Variants in CLDN16 observed in about 807,000 individuals in gnomAD.
CLDN16 encodes claudin-16.
A neutral mutation model predicts 24.6 loss-of-function variants in CLDN16; 13 were observed. That is an observed-to-expected ratio of 0.53 (90% CI 0.34 to 0.84). CLDN16 has a LOEUF of 0.84. Among genes scored for constraint, CLDN16 ranks in the 40% least tolerant of loss-of-function variants. CLDN16 has a pLI of 0.01. For synonymous variants in CLDN16, 116 were observed against 106.7 expected, an observed-to-expected ratio of 1.09 and a Z score of -0.54; for missense variants, 298 against 292.7, an observed-to-expected ratio of 1.02 and a Z score of -0.13.
chr3:190,301,322 C>T, the CLDN16 span, among the ~76,000 whole-genome samples: 1 of 152,016 alleles, frequency 6.6e-6, no homozygotes, highest in South Asian at 2.1e-4. Context: ...TGGTGAATCC[C>T]AGTCTCTGCC....
In CLDN16 at chr3:190,408,172, G is replaced by A. The variant is rs192460744; in HGVS notation, c.383-142G>A. The A allele has an allele frequency of 6.8e-5, 55 of 808,390 alleles. 1 individual carries two copies. The highest frequency in any genetic ancestry group is 4.6e-4 in the Middle Eastern group (2 of 4,368). 50.1% of individuals were successfully genotyped at this position (808,390 alleles called of 1,614,324 possible). Reference sequence around the variant, plus strand: ...AAAGGAAGAGACAGAAGAAGTGTCCGAAGTTCGGGTTGCCCATGAATCCAT... The same window carrying A: ...AAAGGAAGAGACAGAAGAAGTGTCCAAAGTTCGGGTTGCCCATGAATCCAT... On this transcript the variant is annotated intron_variant, in intron 3 of 4. Coordinates refer to ENST00000264734, the MANE Select transcript of CLDN16 (RefSeq NM_006580.4).
chr3:190,343,560 CA>C (rs1272124518), intron 1 of CLDN16, among the ~76,000 whole-genome samples: 1 of 152,054 alleles, frequency 6.6e-6, no homozygotes, highest in Non-Finnish European at 1.5e-5. Flanking sequence ...CCTAGGTGTA[CA>C]TCAGTGGATG....
intron 1 of CLDN16, among the ~76,000 whole-genome samples, chr3:190,360,164 A>G (rs558570450): frequency 2.7e-4 from 41 of 152,170 alleles, no homozygotes; most frequent in African/African-American, 9.6e-4. Flanking sequence ...CCAAAGAAAT[A>G]CAACAAACAG....
chr3:190,381,730 C>T (rs888077021), intron 3 of CLDN16, among the ~76,000 whole-genome samples: 1 of 152,020 alleles, frequency 6.6e-6, no homozygotes, highest in Admixed American at 6.6e-5. Flanking sequence ...GAGTTAAGAA[C>T]ACACCAGTTA....
chr3:190,369,666 G>A (rs1396845133), intron 1 of CLDN16, among the ~76,000 whole-genome samples: 4 of 151,840 alleles, frequency 2.6e-5, no homozygotes, highest in African/African-American at 4.8e-5. Flanking sequence ...TATGAACATC[G>A]TTCTATGTCA....
rs141823638 is a variant in CLDN16, at chr3:190,409,990, C to G, written c.662C>G (p.Pro221Arg). 82 of 1,613,976 alleles carry G rather than the reference C, an allele frequency of 5.1e-5. No homozygotes were observed. The highest frequency in any genetic ancestry group is 6.5e-5 in the Non-Finnish European group (77 of 1,180,018). Residue 221 changes from proline to arginine, a missense_variant, in exon 5 of 5, where the codon CCT becomes CGT. Coordinates refer to ENST00000264734, the MANE Select transcript of CLDN16 (RefSeq NM_006580.4). The part of the protein sequence containing the change: ...GVSMAKSYSA[P>R]RTETAKMYAV... ...TCCATGGCCAAGTCATACTCAGCCC[C>G]TCGCACAGAGACGGCCAAAATGTAT...
intron 1 of CLDN16, among the ~76,000 whole-genome samples, chr3:190,365,730 T>C (rs568446846): frequency 6.6e-6 from 1 of 151,724 alleles, no homozygotes; most frequent in South Asian, 2.1e-4. Context: ...GGGTCCAGTA[T>C]ATACACAGTC....
intron 3 of CLDN16, among the ~76,000 whole-genome samples, chr3:190,376,769 A>G (rs978957378): frequency 5.9e-5 from 9 of 152,006 alleles, no homozygotes; most frequent in African/African-American, 2.2e-4. Context: ...ACAGAGAATT[A>G]CAGTTTGATA....
chr3:190,322,140 C>T (rs895016415), upstream of CLDN16: 2 of 1,614,220 alleles, frequency 1.2e-6, no homozygotes, highest in Non-Finnish European at 8.5e-7. Context: ...GCAGTGCTGA[C>T]GATGGCGCCG....
chr3:190,378,781 G>A (rs150852380), intron 3 of CLDN16, among the ~76,000 whole-genome samples: 51 of 152,040 alleles, frequency 3.4e-4, no homozygotes, highest in African/African-American at 7.9e-4. Context: ...TCCACTGGAC[G>A]TTTGCCTGTG....
intron 1 of CLDN16, among the ~76,000 whole-genome samples, chr3:190,348,009 C>T (rs1271843137): frequency 6.8e-6 from 1 of 147,404 alleles, no homozygotes; most frequent in Non-Finnish European, 1.5e-5. Context: ...TTTGAGAGGC[C>T]AAGGCAGGTG....
In CLDN16 at chr3:190,326,504, A is replaced by G. The variant is rs1441126828; in HGVS notation, n.121+3843A>G. Among the ~76,000 whole-genome samples the G allele has an allele frequency of 2.0e-5, 3 of 152,280 alleles. No individual in the cohort carries two copies. The East Asian group carries it at 5.8e-4, about 29-fold the overall frequency. On this transcript the variant is annotated intron_variant and non_coding_transcript_variant, in intron 1 of 4. Transcript: ENST00000468220. The stretch of plus-strand genomic sequence containing the variant: ...CAAGCCTTGCGATGTTTTCCCTCCT[A>G]GCTCTGGATAGTTTCCCTGGTTAGG...
chr3:190,374,274 T>C (rs1318620247), intron 2 of CLDN16, among the ~76,000 whole-genome samples: 1 of 70,678 alleles, frequency 1.4e-5, no homozygotes, highest in Non-Finnish European at 2.6e-5. Flanking sequence ...AAACATTGTG[T>C]GTGTGTGTGT....
chr3:190,349,649 G>C (rs1189547680), intron 1 of CLDN16, among the ~76,000 whole-genome samples: 1 of 152,154 alleles, frequency 6.6e-6, no homozygotes, highest in Non-Finnish European at 1.5e-5. Flanking sequence ...GTTTGACCCT[G>C]TGACTTGTGT....
At chr3:190,408,622 A>C (rs7647553) in intron 4 of CLDN16, 117 bp downstream of exon 4, 1 of 958,598 alleles carries the variant, frequency 1.0e-6, no homozygotes, top group Non-Finnish European at 1.6e-6. Context: ...ACCTATTGCC[A>C]TTAAAAATTC....
chr3:190,290,751 T>C, the CLDN16 span, among the ~76,000 whole-genome samples: 1 of 152,160 alleles, frequency 6.6e-6, no homozygotes, highest in Admixed American at 6.5e-5. Context: ...TAGGGATATG[T>C]GAAAGAAAAT....
intron 1 of CLDN16, among the ~76,000 whole-genome samples, chr3:190,351,234 A>T (rs891699262): frequency 6.6e-6 from 1 of 152,084 alleles, no homozygotes; most frequent in African/African-American, 2.4e-5. Context: ...TGCTTTCTGG[A>T]CAGGCTGCAG....
At position 190,408,075 on chromosome 3, in the gene CLDN16, G is replaced by T. The variant is rs146256555; in HGVS notation, c.383-239G>T. Among the ~76,000 whole-genome samples the T allele has an allele frequency of 1.9e-4, 29 of 152,250 alleles. No homozygotes were observed. The East Asian group carries it at 5.0e-3, about 26-fold the overall frequency. ...TTCGATTTACACAGATAAGCACTGT[G>T]TTATTTCATTTTTGCATTTTCTTTA... On this transcript the variant is annotated intron_variant, in intron 3 of 4. Coordinates refer to ENST00000264734, the MANE Select transcript of CLDN16 (RefSeq NM_006580.4).
At chr3:190,330,322 T>C (rs1717156431) in intron 1 of CLDN16, among the ~76,000 whole-genome samples, 1 of 152,212 alleles carries the variant, frequency 6.6e-6, no homozygotes, top group African/African-American at 2.4e-5. Flanking sequence ...TAATAGTAAC[T>C]AGTTGTGATC....
Sources: allele counts gnomAD v4.1 joint callset (sites outside exome capture counted in the v4.1 genomes callset), GRCh38; gene constraint gnomAD v4.1.1; transcripts MANE v1.5; gene names NCBI Gene and HGNC (gene_info 2026-07-23, HGNC 2026-07-21).